LRRIQ1: variants seen among roughly 807,000 people sequenced by gnomAD.
LRRIQ1 encodes the protein leucine rich repeats and IQ motif containing 1.
A neutral mutation model predicts 211.9 loss-of-function variants in LRRIQ1; 210 were observed. That is an observed-to-expected ratio of 0.99 (90% CI 0.89 to 1.11). The LOEUF (loss-of-function observed/expected upper bound fraction) is 1.11. LRRIQ1 is among the 50% of genes most tolerant of loss of function. The pLI is 0.00. For missense variants in LRRIQ1, 2,136 were observed against 1,939.5 expected (o/e 1.10, Z -1.90); for synonymous variants, 699 against 650.1 (o/e 1.08, Z -1.14).
At chr12:85,141,905 G>A (rs1889572686) in intron 19 of LRRIQ1, among the ~76,000 whole-genome samples, 1 of 141,890 alleles carries the variant, frequency 7.0e-6, no homozygotes, top group African/African-American at 2.8e-5. Context: ...AGTTAATTGA[G>A]TTTTATTTTT....
At chr12:85,136,499 G>A (rs1565860998) in intron 18 of LRRIQ1, among the ~76,000 whole-genome samples, 1 of 151,856 alleles carries the variant, frequency 6.6e-6, no homozygotes, top group East Asian at 1.9e-4. Context: ...TAAAAACAAG[G>A]AAGCTGGGTC....
At chr12:85,114,340 C>T (rs187993068) in intron 15 of LRRIQ1, among the ~76,000 whole-genome samples, 1 of 152,076 alleles carries the variant, frequency 6.6e-6, no homozygotes, top group African/African-American at 2.4e-5. Flanking sequence ...CTTTTAGGGC[C>T]ATGAATTGTT....
chr12:85,156,709 G>A (rs1023841820), intron 23 of LRRIQ1, among the ~76,000 whole-genome samples: 2 of 151,598 alleles, frequency 1.3e-5, no homozygotes, highest in Admixed American at 6.6e-5. Flanking sequence ...AATATACTTG[G>A]AGATACATAT....
At chr12:85,078,353 TA>T (rs1306181735) in intron 11 of LRRIQ1, among the ~76,000 whole-genome samples, 1 of 152,144 alleles carries the variant, frequency 6.6e-6, no homozygotes, top group Non-Finnish European at 1.5e-5. Context: ...ACTCTATAAA[TA>T]AAAAAGCTAA....
downstream of LRRIQ1, among the ~76,000 whole-genome samples, chr12:85,245,873 A>G (rs920082006): frequency 4.6e-5 from 7 of 150,882 alleles, no homozygotes; most frequent in Non-Finnish European, 1.0e-4. Context: ...ATAGTTACAT[A>G]TATACATATA....
chr12:85,205,409 G>A (rs535933101), intron 24 of LRRIQ1, among the ~76,000 whole-genome samples: 3 of 152,240 alleles, frequency 2.0e-5, no homozygotes, highest in African/African-American at 7.2e-5. Context: ...CTTTTCTTAA[G>A]AATTCTGAAT....
At chr12:85,210,299 AAT>A (rs1420301102) in intron 24 of LRRIQ1, among the ~76,000 whole-genome samples, 1 of 148,908 alleles carries the variant, frequency 6.7e-6, no homozygotes, top group Non-Finnish European at 1.5e-5. Context: ...TTGGAGAATA[AAT>A]ATGTTTGTGA....
intron 2 of LRRIQ1, among the ~76,000 whole-genome samples, chr12:85,039,019 A>G (rs1203987200): frequency 2.0e-5 from 3 of 151,200 alleles, no homozygotes; most frequent in Non-Finnish European, 4.4e-5. Context: ...TTTTTTAAAG[A>G]TTTGAGAACT....
chr12:85,129,389 C>T (rs965657883), intron 18 of LRRIQ1, among the ~76,000 whole-genome samples: 8 of 152,164 alleles, frequency 5.3e-5, no homozygotes, highest in African/African-American at 1.9e-4. Flanking sequence ...TAGCATTTCC[C>T]TTTATTCATT....
At chr12:85,174,583 T>A (rs1891588017) in intron 24 of LRRIQ1, among the ~76,000 whole-genome samples, 1 of 148,812 alleles carries the variant, frequency 6.7e-6, no homozygotes. Flanking sequence ...GTGCCTTTAG[T>A]CCCAGCTACT....
intron 15 of LRRIQ1, among the ~76,000 whole-genome samples, chr12:85,115,829 T>G (rs1329804433): frequency 6.6e-6 from 1 of 151,986 alleles, no homozygotes; most frequent in Non-Finnish European, 1.5e-5. Flanking sequence ...TATTTTTTAT[T>G]AAATAAAATA....
At chr12:85,082,578 A>G (rs1440363242) in intron 11 of LRRIQ1, among the ~76,000 whole-genome samples, 1 of 152,016 alleles carries the variant, frequency 6.6e-6, no homozygotes, top group Non-Finnish European at 1.5e-5. Context: ...CCTGTATTCT[A>G]TATCTCTATC....
chr12:85,263,874 G>A (rs1434843328), exon 2 of LRRIQ1: 1 of 151,848 alleles, frequency 6.6e-6, no homozygotes, highest in Non-Finnish European at 1.5e-5. Context: ...TTTTATTAAA[G>A]TCTTACTGTT....
rs546299150 is a variant in LRRIQ1 at position 85,084,880 on chromosome 12, C to T, written c.2887+11782C>T. Among the ~76,000 whole-genome samples, 14 of 151,002 alleles carry T rather than the reference C, an allele frequency of 9.3e-5. No individual in the cohort carries two copies. The East Asian group carries it at 2.4e-3, about 25-fold the overall frequency. On this transcript the variant is annotated intron_variant, in intron 11 of 26. Coordinates refer to ENST00000393217, the MANE Select transcript of LRRIQ1 (RefSeq NM_001079910.2). ...GGCAGAGGTTGCAGTGAGCTGAGAT[C>T]GCGCCACTGCACTCCAGCCTGGGCA...
chr12:85,105,441 CT>C (rs926802669), intron 14 of LRRIQ1, among the ~76,000 whole-genome samples: 12 of 150,742 alleles, frequency 8.0e-5, no homozygotes, highest in East Asian at 1.9e-4. Flanking sequence ...GTTGAATAAC[CT>C]TTTTTTTTCA....
intron 24 of LRRIQ1, among the ~76,000 whole-genome samples, chr12:85,183,201 A>G (rs995235711): frequency 3.7e-4 from 56 of 152,190 alleles, no homozygotes; most frequent in African/African-American, 1.3e-3. Flanking sequence ...AATATAGCAC[A>G]CTTGTATTTG....
At chr12:85,253,009 G>T (rs767735165) in intron 1 of LRRIQ1, among the ~76,000 whole-genome samples, 1 of 151,820 alleles carries the variant, frequency 6.6e-6, no homozygotes, top group Non-Finnish European at 1.5e-5. Flanking sequence ...TAGAGCTTAA[G>T]TTTATTTTCA....
At chr12:85,071,124 A>G (rs1883035549) in intron 10 of LRRIQ1, among the ~76,000 whole-genome samples, 1 of 151,856 alleles carries the variant, frequency 6.6e-6, no homozygotes, top group Non-Finnish European at 1.5e-5. Context: ...AAAAAAGCAT[A>G]CTCAAGATAT....
intron 11 of LRRIQ1, among the ~76,000 whole-genome samples, chr12:85,087,640 C>T (rs1884968053): frequency 6.6e-6 from 1 of 152,182 alleles, no homozygotes; most frequent in Admixed American, 6.5e-5. Flanking sequence ...GCCATTCTAA[C>T]TGGTGTGAGA....
Sources: gnomAD v4.1 joint callset for allele counts (sites outside exome capture counted in the v4.1 genomes callset) on GRCh38, gnomAD v4.1.1 for gene constraint, MANE v1.5 for transcripts, NCBI Gene and HGNC (gene_info 2026-07-23, HGNC 2026-07-21) for gene names.